NRXN2: variants seen among roughly 807,000 people sequenced by gnomAD.
NRXN2 encodes neurexin-2-beta.
NRXN2 carries 29 observed loss-of-function variants against 128.8 expected under a neutral mutation model. The ratio of observed to expected loss-of-function variants is 0.23; its 90% CI spans 0.17 to 0.31. NRXN2 has a LOEUF of 0.31. Among genes scored for constraint, NRXN2 ranks in the 10% least tolerant of loss-of-function variants. NRXN2 has a pLI of 1.00. For synonymous variants in NRXN2, 1,098 were observed against 1,075.2 expected (o/e 1.02, Z -0.41); for missense variants, 1,881 against 2,452.6 (o/e 0.77, Z 4.92).
Position 64,607,982 on chromosome 11 carries a change from G to T in NRXN2, c.4353C>A (p.Pro1451=). 1 of 1,545,494 alleles carries T rather than the reference G, an allele frequency of 6.5e-7. No individual in the cohort carries two copies. Among genetic ancestry groups the T allele is most frequent in the South Asian group, 1.2e-5 (1 of 84,564 alleles). The change falls in exon 23 of 23, where the codon CCC becomes CCA. Residue 1451 remains proline (P), a synonymous_variant. Transcript: ENST00000265459. ...GGGTGGCGCCCACTCCCGTGAGGAA[G>T]GGGTAGAAGGTAGGGGGCGGGGGCA... The part of the protein sequence containing the change: ...PFVPPPPTFY[P]FLTGVGATQD...
At chr11:64,702,347 G>A in intron 2 of NRXN2, among the ~76,000 whole-genome samples, 1 of 152,132 alleles carries the variant, frequency 6.6e-6, no homozygotes. Flanking sequence ...TGGCGGTTTT[G>A]TAGAATAGAA....
chr11:64,652,631 T>C (rs1020463642), intron 12 of NRXN2, among the ~76,000 whole-genome samples: 1 of 152,150 alleles, frequency 6.6e-6, no homozygotes, highest in Non-Finnish European at 1.5e-5. Flanking sequence ...TACCCAAATG[T>C]AAATGCGAGC....
At chr11:64,662,391 G>A (rs1436532243) in intron 9 of NRXN2, among the ~76,000 whole-genome samples, 1 of 152,206 alleles carries the variant, frequency 6.6e-6, no homozygotes, top group Non-Finnish European at 1.5e-5. Flanking sequence ...CCTTTACTGA[G>A]ACCTTAAGCT....
intron 9 of NRXN2, among the ~76,000 whole-genome samples, chr11:64,666,151 C>A (rs1003052905): frequency 6.6e-6 from 1 of 152,048 alleles, no homozygotes; most frequent in Admixed American, 6.6e-5. Context: ...ATCTACAGAA[C>A]CTTGGACACC....
rs932803105 is a variant in NRXN2 at position 64,651,171 on chromosome 11, G to A, written c.2918+84C>T. On this transcript the variant is annotated intron_variant, in intron 14 of 22. Coordinates refer to ENST00000265459, the MANE Select transcript of NRXN2 (RefSeq NM_015080.4). The surrounding 1 kb of genome is among the most constrained non-coding windows in gnomAD (Gnocchi z 5.9). ...GTGATCTGGGGGGATTGGACACCTC[G>A]GCCAGTAGCCAGGAGAGCTGTATGT... The A allele has an allele frequency of 2.1e-5, 33 of 1,580,418 alleles. No homozygotes were observed. The highest frequency in any genetic ancestry group is 3.3e-5 in the South Asian group (3 of 89,658).
At chr11:64,639,684 A>G (rs1393258708) in intron 17 of NRXN2, among the ~76,000 whole-genome samples, 1 of 151,866 alleles carries the variant, frequency 6.6e-6, no homozygotes, top group Non-Finnish European at 1.5e-5. Flanking sequence ...TGTAACAGGA[A>G]GAGTTGGGGG....
chr11:64,716,869 A>G (rs925336282), intron 1 of NRXN2, among the ~76,000 whole-genome samples: 2 of 152,004 alleles, frequency 1.3e-5, no homozygotes, highest in Non-Finnish European at 2.9e-5. Context: ...GCCAGCGGAC[A>G]CCTGGGTCCT....
At chr11:64,678,152 C>A (rs998011464) in intron 6 of NRXN2, among the ~76,000 whole-genome samples, 9 of 151,968 alleles carry the variant, frequency 5.9e-5, no homozygotes, top group Non-Finnish European at 1.3e-4. Context: ...GAGAGTGAGT[C>A]GCCACCAGAA....
intron 6 of NRXN2, among the ~76,000 whole-genome samples, chr11:64,680,951 G>T (rs539491526): frequency 7.2e-4 from 109 of 152,002 alleles, no homozygotes; most frequent in Middle Eastern, 3.4e-3. Flanking sequence ...ACAAAAATTA[G>T]CCGGGCATGG....
At chr11:64,666,639 C>T (rs1157982722) in intron 9 of NRXN2, among the ~76,000 whole-genome samples, 3 of 152,092 alleles carry the variant, frequency 2.0e-5, no homozygotes, top group Admixed American at 1.3e-4. Context: ...TCTAGGCTCA[C>T]TGCAAGCTCC....
At chr11:64,653,588 C>A in intron 12 of NRXN2, 108 bp downstream of exon 12, 1 of 1,134,412 alleles carries the variant, frequency 8.8e-7, no homozygotes, top group Non-Finnish European at 1.3e-6. Flanking sequence ...AACCCCCATT[C>A]GAGCCAGCAA....
In NRXN2 at chr11:64,705,821, A is replaced by T. The variant is rs552159689; in HGVS notation, c.730+7149T>A. On this transcript the variant is annotated intron_variant, in intron 2 of 22. Transcript: ENST00000265459. Reference sequence around the variant, plus strand: ...TCCAACCGTGCAGACCTGAAACTTCATCATCTCTGACCCCTCTCCTCCCAC... The same window carrying T: ...TCCAACCGTGCAGACCTGAAACTTCTTCATCTCTGACCCCTCTCCTCCCAC... Among the ~76,000 whole-genome samples, 3 of 149,842 alleles carry T rather than the reference A, an allele frequency of 2.0e-5. No homozygotes were observed. In the South Asian group the frequency reaches 6.3e-4, roughly 32 times the overall value.
rs2046974338 is a variant in NRXN2 at position 64,648,159 on chromosome 11, C to T, written c.3403+60G>A. On this transcript the variant is annotated intron_variant, in intron 17 of 22. Coordinates refer to ENST00000265459, the MANE Select transcript of NRXN2 (RefSeq NM_015080.4). The surrounding 1 kb of genome is among the most constrained non-coding windows in gnomAD (Gnocchi z 4.1). ...GGCCCTGTTTCCTCCCTGGCAGCCC[C>T]TATGGCTGGGAATGGACCCTGGTCT... The T allele has an allele frequency of 6.2e-7, 1 of 1,612,758 alleles. No homozygotes were observed. The highest frequency in any genetic ancestry group is 1.3e-5 in the African/African-American group (1 of 75,036).
chr11:64,621,835 G>C (rs995710245), intron 21 of NRXN2, among the ~76,000 whole-genome samples: 2 of 152,144 alleles, frequency 1.3e-5, no homozygotes, highest in African/African-American at 4.8e-5. Context: ...AAACAGCCCA[G>C]CCTGGGCTGC....
intron 22 of NRXN2, among the ~76,000 whole-genome samples, chr11:64,618,443 T>C (rs2041851831): frequency 6.6e-6 from 1 of 152,228 alleles, no homozygotes; most frequent in Non-Finnish European, 1.5e-5. Flanking sequence ...CTCAGTGCCC[T>C]TTCTTCAGGA....
At chr11:64,717,369 C>T (rs984039197) in intron 1 of NRXN2, among the ~76,000 whole-genome samples, 1 of 152,214 alleles carries the variant, frequency 6.6e-6, no homozygotes, top group Non-Finnish European at 1.5e-5. Flanking sequence ...CGCCACACCT[C>T]TGGGGAGCCG....
At chr11:64,658,804 A>G (rs942971143) in intron 11 of NRXN2, among the ~76,000 whole-genome samples, 1 of 152,058 alleles carries the variant, frequency 6.6e-6, no homozygotes, top group Non-Finnish European at 1.5e-5. Context: ...AGGCGGGTGG[A>G]TCACGAGGCC....
intron 5 of NRXN2, among the ~76,000 whole-genome samples, chr11:64,686,409 C>T (rs994676410): frequency 3.9e-5 from 6 of 152,168 alleles, no homozygotes; most frequent in Admixed American, 6.5e-5. Context: ...CCCTTCCTGC[C>T]CCTCCTCCAG....
intron 21 of NRXN2, among the ~76,000 whole-genome samples, chr11:64,621,356 C>T (rs2135323851): frequency 6.6e-6 from 1 of 152,292 alleles, no homozygotes; most frequent in East Asian, 1.9e-4. Flanking sequence ...GCCCCTCGTC[C>T]CCTATGATTT....
Sources: gnomAD v4.1 joint callset for allele counts (sites outside exome capture counted in the v4.1 genomes callset) on GRCh38, gnomAD v4.1.1 for gene constraint, Gnocchi (gnomAD v3.1) non-coding constraint, MANE v1.5 for transcripts, NCBI Gene and HGNC (gene_info 2026-07-23, HGNC 2026-07-21) for gene names.